The following MED13 variants were observed in gnomAD, a reference collection of about 807,000 sequenced individuals.
MED13 encodes the protein mediator complex subunit 13.
Under a neutral mutation model 225.2 loss-of-function variants are expected in MED13, and 23 were observed. The observed-to-expected ratio is 0.10, with a 90% CI of 0.07 to 0.14. The LOEUF (loss-of-function observed/expected upper bound fraction) is 0.14. Ranked by LOEUF, MED13 falls within the 10% of genes least tolerant of loss-of-function variation. The pLI is 1.00. For missense variants in MED13, 2,197 were observed against 2,594.5 expected (o/e 0.85, Z 3.33); for synonymous variants, 942 against 889.2 (o/e 1.06, Z -1.06).
chr17:61,960,761 A>T (rs562894845), intron 23 of MED13, 106 bp downstream of exon 23: 2 of 733,976 alleles, frequency 2.7e-6, no homozygotes, highest in Non-Finnish European at 4.2e-6. Context: ...CCCACATCTT[A>T]ATATTTTAAT....
intron 8 of MED13, among the ~76,000 whole-genome samples, chr17:62,014,306 G>A (rs1244327318): frequency 8.3e-6 from 1 of 120,016 alleles, no homozygotes. Context: ...TTCTGTATAT[G>A]TTTTTATATA....
chr17:62,011,466 C>G (rs1379588074), intron 8 of MED13, among the ~76,000 whole-genome samples: 1 of 152,010 alleles, frequency 6.6e-6, no homozygotes, highest in East Asian at 1.9e-4. Context: ...CATTTAATAG[C>G]CATGTGATCA....
chr17:61,964,375 C>G (rs770583228), intron 20 of MED13, among the ~76,000 whole-genome samples: 12 of 152,012 alleles, frequency 7.9e-5, no homozygotes, highest in Non-Finnish European at 1.5e-4. Context: ...AGTTCCAGAC[C>G]AGCCAGGGCA....
At chr17:62,004,446 A>T (rs1253011036) in intron 9 of MED13, 6 of 152,246 alleles carry the variant, frequency 3.9e-5, no homozygotes, top group Non-Finnish European at 2.9e-5. Context: ...TGAGAAGATA[A>T]CTTTTGAGCA....
intron 22 of MED13, 88 bp from the exon 23 acceptor site, chr17:61,961,178 T>A: frequency 8.6e-7 from 1 of 1,157,788 alleles, no homozygotes; most frequent in Non-Finnish European, 1.2e-6. Flanking sequence ...TACCCAATTA[T>A]AAGATAATTG....
rs751496016 is a variant in MED13, at chr17:61,968,174, G to A, written c.4052C>T (p.Ala1351Val). Residue 1351 changes from alanine (A) to valine (V), a missense_variant, in exon 18 of 30, where the codon GCT (alanine) becomes GTT (valine). By Grantham distance (64) the Ala-to-Val change is moderately conservative. Transcript: ENST00000397786. ...DYDYLVLSPF[A>V]LPYWERLMLE... is the part of the protein sequence containing the mutation. ...CATAAGTCTCTCCCAATAAGGAAGA[G>A]CAAATGGAGAAAGCACCAGATAATC... The A allele has an allele frequency of 1.9e-6, 3 of 1,613,896 alleles. No individual in the cohort carries two copies. The highest frequency in any genetic ancestry group is 1.3e-5 in the African/African-American group (1 of 74,910).
intron 9 of MED13, among the ~76,000 whole-genome samples, chr17:62,008,241 C>G (rs954947062): frequency 1.4e-5 from 2 of 143,254 alleles, no homozygotes; most frequent in Admixed American, 7.1e-5. Flanking sequence ...ATGGTGTGAA[C>G]CAGGAGGCGG....
intron 16 of MED13, among the ~76,000 whole-genome samples, chr17:61,980,630 G>A (rs1257727787): frequency 4.6e-5 from 7 of 152,032 alleles, no homozygotes; most frequent in Admixed American, 6.6e-5. Context: ...ACATCTCGCT[G>A]GCCTCTTATC....
Position 61,946,308 on chromosome 17 carries a change from T to C in MED13, c.*160A>G. ...ATAGAGTCAATGAAAAATAGCAGGG[T>C]TATAGCCCCTCCCCCCAAGTCAAAA... On this transcript the variant is annotated 3_prime_UTR_variant, in exon 30 of 30. Coordinates refer to ENST00000397786, the MANE Select transcript of MED13 (RefSeq NM_005121.3). The C allele has an allele frequency of 1.3e-6, 1 of 779,742 alleles. No individual in the cohort carries two copies. Among genetic ancestry groups the C allele is most frequent in the Non-Finnish European group, 2.0e-6 (1 of 504,450 alleles). The allele number at this position is 779,742 out of a possible 1,614,324, so 48.3% of individuals were successfully genotyped here.
chr17:62,021,432 T>C (rs2080645605), intron 8 of MED13, among the ~76,000 whole-genome samples: 1 of 127,878 alleles, frequency 7.8e-6, no homozygotes, highest in African/African-American at 3.0e-5. Context: ...CCCCCCCACC[T>C]CCCTCCCGGA....
At chr17:61,981,626 CTA>C (rs2080205548) in intron 16 of MED13, among the ~76,000 whole-genome samples, 1 of 152,186 alleles carries the variant, frequency 6.6e-6, no homozygotes, top group Non-Finnish European at 1.5e-5. Flanking sequence ...AGCTCATATT[CTA>C]TGTTATGTAG....
At chr17:62,042,281 T>C (rs1306605209) in intron 3 of MED13, among the ~76,000 whole-genome samples, 1 of 152,056 alleles carries the variant, frequency 6.6e-6, no homozygotes, top group Non-Finnish European at 1.5e-5. Flanking sequence ...ACTTAGAAAG[T>C]GGCCAGGCAC....
chr17:61,953,794 C>A lies in MED13; in HGVS notation c.5969-681G>T, dbSNP rs538771681. ...TAATACAAAGCAAACATAGTACAAA[C>A]AAAATGAAAATGTGTTTAAAGTGGG... On this transcript the variant is annotated intron_variant, in intron 26 of 29. Coordinates refer to ENST00000397786, the MANE Select transcript of MED13 (RefSeq NM_005121.3). 5.9e-5 allele frequency among the ~76,000 whole-genome samples: 9 copies of A among 152,260 alleles called. No homozygotes were observed. In the East Asian group the frequency reaches 1.7e-3, roughly 29 times the overall value.
intron 28 of MED13, 37 bp downstream of exon 28, chr17:61,950,788 C>T: frequency 6.3e-7 from 1 of 1,575,434 alleles, no homozygotes; most frequent in Non-Finnish European, 8.6e-7. Context: ...GGCTGTCAAT[C>T]AGAATTATTT....
chr17:61,966,496 G>C lies in MED13; in HGVS notation c.4347C>G (p.Leu1449=), dbSNP rs887077578. 3 of 1,613,564 alleles carry C rather than the reference G, an allele frequency of 1.9e-6. No individual in the cohort carries two copies. Among genetic ancestry groups the C allele is most frequent in the East Asian group, 4.5e-5 (2 of 44,846 alleles). Reference sequence around the variant, plus strand: ...ATCTGCAGACTTGTGCATAAAGCTTGAGTTTAGAAAATGCTTCATTGTTAC... The same window carrying C: ...ATCTGCAGACTTGTGCATAAAGCTTCAGTTTAGAAAATGCTTCATTGTTAC... ...ADGNNEAFSK[L]KLYAQVCRYD... The change falls in exon 19 of 30, where the codon CTC becomes CTG. Residue 1449 remains leucine, a synonymous_variant. Coordinates refer to ENST00000397786, the MANE Select transcript of MED13 (RefSeq NM_005121.3).
At position 61,975,946 on chromosome 17, in the gene MED13, G is replaced by A. The variant is rs570115296; in HGVS notation, c.3806-3058C>T. ...CGGGAGAATTGCTTGAACCTGGGAG[G>A]TGGAGGTTGCAGTGAGCCAAGATTG... On this transcript the variant is annotated intron_variant, in intron 16 of 29. Transcript: ENST00000397786. Among the ~76,000 whole-genome samples, 3 of 152,194 alleles carry A rather than the reference G, an allele frequency of 2.0e-5. No individual in the cohort carries two copies. In the South Asian group the frequency reaches 6.2e-4, roughly 32 times the overall value.
intron 8 of MED13, among the ~76,000 whole-genome samples, chr17:62,015,268 G>A (rs768414251): frequency 6.6e-6 from 1 of 152,176 alleles, no homozygotes; most frequent in Non-Finnish European, 1.5e-5. Flanking sequence ...GCCGCATACT[G>A]AAGTACTGCA....
chr17:62,052,665 T>C lies in MED13; in HGVS notation c.342A>G (p.Glu114=), dbSNP rs1027531065. 6.3e-6 allele frequency: 10 copies of C among 1,592,990 alleles called. No homozygotes were observed. The Admixed American group carries it at 8.6e-5, about 14-fold the overall frequency. ...CTGCTTTGAAAAGCAGAGTACGGCATTCATAGGAAAGTCCATTCTCCCACA... is the reference window on the plus strand; with the variant it reads ...CTGCTTTGAAAAGCAGAGTACGGCACTCATAGGAAAGTCCATTCTCCCACA... ...DGVWENGLSY[E]CRTLLFKAVH... Residue 114 remains glutamate (E), a synonymous_variant, in exon 3 of 30, where the codon GAA becomes GAG. Transcript: ENST00000397786.
chr17:61,965,532 T>G (rs1462702963), intron 19 of MED13, 64 bp from the exon 20 acceptor site: 2 of 1,431,508 alleles, frequency 1.4e-6, no homozygotes, highest in African/African-American at 2.9e-5. Flanking sequence ...TTTTAAATTC[T>G]ACTGTGTAAA....
Sources: gnomAD v4.1 joint callset for allele counts (sites outside exome capture counted in the v4.1 genomes callset) on GRCh38, gnomAD v4.1.1 for gene constraint, MANE v1.5 for transcripts, NCBI Gene and HGNC (gene_info 2026-07-23, HGNC 2026-07-21) for gene names.